The following BRIP1 variants were observed in gnomAD, a reference collection of about 807,000 sequenced individuals.
The protein encoded by BRIP1 is Fanconi anemia group J protein.
A neutral mutation model predicts 119.7 loss-of-function variants in BRIP1; 88 were observed. That is an observed-to-expected ratio of 0.74 (90% CI 0.62 to 0.88). The LOEUF (loss-of-function observed/expected upper bound fraction) is 0.88, where lower values mean the gene tolerates loss of function less well. BRIP1 is among the 40% of genes least tolerant of loss of function. BRIP1 has a pLI of 0.00. For missense variants in BRIP1, 1,259 were observed against 1,455.4 expected, an observed-to-expected ratio of 0.87 and a Z score of 2.20; for synonymous variants, 443 against 496.5, an observed-to-expected ratio of 0.89 and a Z score of 1.43.
At chr17:61,766,882 T>C (rs2077381238) in intron 14 of BRIP1, among the ~76,000 whole-genome samples, 1 of 152,150 alleles carries the variant, frequency 6.6e-6, no homozygotes. Context: ...ATTCTCTTTA[T>C]ATGGACAGAA....
chr17:61,759,437 G>A lies in BRIP1; in HGVS notation c.2098-14846C>T, dbSNP rs555175636. Among the ~76,000 whole-genome samples the A allele has an allele frequency of 1.3e-4, 20 of 152,180 alleles. No individual in the cohort carries two copies. The highest frequency in any genetic ancestry group is 2.8e-4 in the Non-Finnish European group (19 of 67,984). On this transcript the variant is annotated intron_variant, in intron 14 of 19. Coordinates refer to ENST00000259008, the MANE Select transcript of BRIP1 (RefSeq NM_032043.3). The surrounding 1 kb of genome is among the most constrained non-coding windows in gnomAD (Gnocchi z 4.9). ...CTAAATATATAAAGCAAGTATTAAAGGATCTGAAAAGAGAGATAGATTCTA... is the reference window on the plus strand; with the variant it reads ...CTAAATATATAAAGCAAGTATTAAAAGATCTGAAAAGAGAGATAGATTCTA...
intron 4 of BRIP1, among the ~76,000 whole-genome samples, chr17:61,855,855 A>C (rs1314252578): frequency 6.6e-6 from 1 of 152,136 alleles, no homozygotes; most frequent in Non-Finnish European, 1.5e-5. Context: ...AGAGATTAAT[A>C]AAAGATTTAG....
intron 16 of BRIP1, among the ~76,000 whole-genome samples, chr17:61,728,793 C>T (rs1032513371): frequency 6.6e-6 from 1 of 151,932 alleles, no homozygotes; most frequent in African/African-American, 2.4e-5. Flanking sequence ...TAGCCCTGAC[C>T]GAAGTAGAAG....
At chr17:61,797,950 G>GC (rs1461321671) in intron 9 of BRIP1, among the ~76,000 whole-genome samples, 1 of 151,884 alleles carries the variant, frequency 6.6e-6, no homozygotes, top group Non-Finnish European at 1.5e-5. Context: ...GCATACATTA[G>GC]CCCCCCTGTC....
rs778500245 is a variant in BRIP1 at position 61,683,974 on chromosome 17, C to T, written c.3072G>A (p.Gly1024=). The T allele has an allele frequency of 6.2e-7, 1 of 1,614,100 alleles. No homozygotes were observed. Among genetic ancestry groups the T allele is most frequent in the Admixed American group, 1.7e-5 (1 of 60,026 alleles). ...GKIPKATPEL[G]SSENSASSPP... ...GACTAGAGGCACTATTCTCTGATGA[C>T]CCGAGCTCAGGTGTTGCCTTCGGTA... Residue 1024 remains glycine, a synonymous_variant, in exon 20 of 20, where the codon GGG becomes GGA. Transcript: ENST00000259008. This position sits in a 1 kb window ranked among gnomAD's most constrained non-coding sequence, Gnocchi z 4.7.
rs1450923010 is a variant in BRIP1 at position 61,756,750 on chromosome 17, C to T, written c.2098-12159G>A. Among the ~76,000 whole-genome samples the T allele has an allele frequency of 6.6e-6, 1 of 152,224 alleles. No homozygotes were observed. The highest frequency in any genetic ancestry group is 1.5e-5 in the Non-Finnish European group (1 of 68,028). On this transcript the variant is annotated intron_variant, in intron 14 of 19. Transcript: ENST00000259008. The surrounding 1 kb of genome is among the most constrained non-coding windows in gnomAD (Gnocchi z 4.3). Reference sequence around the variant, plus strand: ...GTTCAGTACATTAATAATACACTAACTCAAAGCCTCTTTTTGAAACTTTAG... The same window carrying T: ...GTTCAGTACATTAATAATACACTAATTCAAAGCCTCTTTTTGAAACTTTAG...
chr17:61,820,921 G>A (rs1352138720), intron 6 of BRIP1, among the ~76,000 whole-genome samples: 1 of 150,378 alleles, frequency 6.6e-6, no homozygotes, highest in Non-Finnish European at 1.5e-5. Context: ...TTGCACTCCA[G>A]CCTGGGCAAC....
intron 6 of BRIP1, among the ~76,000 whole-genome samples, chr17:61,821,876 TCAC>T (rs1334581342): frequency 1.3e-5 from 2 of 152,106 alleles, no homozygotes; most frequent in Non-Finnish European, 2.9e-5. Flanking sequence ...CAGGTGAATA[TCAC>T]CACATCAGGC....
chr17:61,737,744 T>G (rs2076937381), intron 16 of BRIP1, among the ~76,000 whole-genome samples: 1 of 152,204 alleles, frequency 6.6e-6, no homozygotes, highest in Non-Finnish European at 1.5e-5. Flanking sequence ...TTATAAAAAC[T>G]GCATGCGTAT....
rs952288823 is a variant in BRIP1, at chr17:61,689,384, G to C, written c.2576-3219C>G. Among the ~76,000 whole-genome samples, 1 of 150,958 alleles carries C rather than the reference G, an allele frequency of 6.6e-6. No individual in the cohort carries two copies. Among genetic ancestry groups the C allele is most frequent in the African/African-American group, 2.4e-5 (1 of 41,060 alleles). ...GGAAGCAAAAAGTAAAAAACAAAAT[G>C]GAAAAAAAAAAGTGAAGGCTTATGG... On this transcript the variant is annotated intron_variant, in intron 18 of 19. Transcript: ENST00000259008. This position sits in a 1 kb window ranked among gnomAD's most constrained non-coding sequence, Gnocchi z 4.5.
rs987457744 is a variant in BRIP1, at chr17:61,767,720, G to A, written c.2097+8681C>T. Among the ~76,000 whole-genome samples the A allele has an allele frequency of 3.3e-5, 5 of 152,056 alleles. No individual in the cohort carries two copies. Among genetic ancestry groups the A allele is most frequent in the African/African-American group, 4.8e-5 (2 of 41,394 alleles). On this transcript the variant is annotated intron_variant, in intron 14 of 19. Coordinates refer to ENST00000259008, the MANE Select transcript of BRIP1 (RefSeq NM_032043.3). This position sits in a 1 kb window ranked among gnomAD's most constrained non-coding sequence, Gnocchi z 5.7. ...GCTGGGATTACAGGTGTGAGTCACC[G>A]CACCTGGCCCTTATCCTATGTTTCT...
intron 6 of BRIP1, among the ~76,000 whole-genome samples, chr17:61,835,213 G>A (rs1480909264): frequency 6.6e-6 from 1 of 151,902 alleles, no homozygotes; most frequent in Non-Finnish European, 1.5e-5. Flanking sequence ...ACTAAATATT[G>A]AAAGTCTAAA....
At chr17:61,749,010 G>A (rs1003436808) in intron 14 of BRIP1, among the ~76,000 whole-genome samples, 31 of 151,822 alleles carry the variant, frequency 2.0e-4, no homozygotes, top group Non-Finnish European at 7.4e-5. Context: ...GGTGGCGCAC[G>A]CCTGTAGTCC....
chr17:61,859,897 C>T lies in BRIP1; in HGVS notation c.104G>A (p.Gly35Glu), dbSNP rs876659168. ...CAAACAATGTTGCTTGCTGTTTAATCCTCTGAGAATCTATGAACACAGAAA... is the reference window on the plus strand; with the variant it reads ...CAAACAATGTTGCTTGCTGTTTAATTCTCTGAGAATCTATGAACACAGAAA... The part of the protein sequence containing the change: ...QLAMMNSILR[G>E]LNSKQHCLLE... Residue 35 changes from glycine to glutamate, a missense_variant, in exon 3 of 20, where the codon GGA becomes GAA. Around this residue, in one of 3 missense-constraint regions of BRIP1, gnomAD observed 501 missense variants for 544.0 expected, o/e 0.92. Coordinates refer to ENST00000259008, the MANE Select transcript of BRIP1 (RefSeq NM_032043.3). 1.2e-6 allele frequency: 2 copies of T among 1,608,450 alleles called. No homozygotes were observed. Among genetic ancestry groups the T allele is most frequent in the South Asian group, 1.1e-5 (1 of 90,958 alleles).
At chr17:61,727,712 A>G (rs1172198814) in intron 16 of BRIP1, among the ~76,000 whole-genome samples, 1 of 151,914 alleles carries the variant, frequency 6.6e-6, no homozygotes, top group Non-Finnish European at 1.5e-5. Flanking sequence ...GCAGTGAGCC[A>G]TGATCTCACC....
intron 10 of BRIP1, among the ~76,000 whole-genome samples, chr17:61,787,337 A>ATATATAC (rs2077740586): frequency 8.0e-6 from 1 of 125,078 alleles, no homozygotes; most frequent in Non-Finnish European, 1.6e-5. Flanking sequence ...ATATATAAAA[A>ATATATAC]TATATAAAAC....
rs2078999109 is a variant in BRIP1 at position 61,863,490 on chromosome 17, A to G, written c.-237T>C. ...CGCCGTTACCTTTCCTCGACCCACC[A>G]GACCCCTCAACCACACAACCCGAGA... On this transcript the variant is annotated 5_prime_UTR_variant, in exon 1 of 20. Transcript: ENST00000259008. 6.6e-6 allele frequency: 1 copy of G among 151,686 alleles called. No individual in the cohort carries two copies. The highest frequency in any genetic ancestry group is 1.5e-5 in the Non-Finnish European group (1 of 68,054). The allele number at this position is 151,686 out of a possible 1,614,324, so 9.4% of individuals were successfully genotyped here. A position where few individuals can be genotyped will look rare whatever the true frequency, so the allele number is the denominator to read the frequency against.
intron 13 of BRIP1, among the ~76,000 whole-genome samples, chr17:61,777,381 A>G (rs2077550711): frequency 6.6e-6 from 1 of 152,202 alleles, no homozygotes; most frequent in South Asian, 2.1e-4. Context: ...TGCAACAGAC[A>G]TCAACTGGGT....
chr17:61,766,909 A>T (rs1306848212), intron 14 of BRIP1, among the ~76,000 whole-genome samples: 1 of 152,118 alleles, frequency 6.6e-6, no homozygotes, highest in African/African-American at 2.4e-5. Context: ...CTGTCCATAT[A>T]AAGAGTTTAG....
Sources: gnomAD v4.1 joint callset for allele counts (sites outside exome capture counted in the v4.1 genomes callset) on GRCh38, gnomAD v4.1.1 for gene constraint, gnomAD v4.1.1 regional missense constraint, Gnocchi (gnomAD v3.1) non-coding constraint, MANE v1.5 for transcripts, NCBI Gene and HGNC (gene_info 2026-07-23, HGNC 2026-07-21) for gene names.